The following ROR2 variants were observed in gnomAD, a reference collection of about 807,000 sequenced individuals.
ROR2 encodes ROR family WNT receptor 2, also known as tyrosine-protein kinase transmembrane receptor ROR2.
A neutral mutation model predicts 74.9 loss-of-function variants in ROR2; 33 were observed. The ratio of observed to expected loss-of-function variants is 0.44; its 90% CI spans 0.33 to 0.59. The LOEUF (loss-of-function observed/expected upper bound fraction) is 0.59, where lower values mean the gene tolerates loss of function less well. Ranked by LOEUF, ROR2 falls within the 20% of genes least tolerant of loss-of-function variation. The pLI is 0.02. For synonymous variants in ROR2, 586 were observed against 558.7 expected, an observed-to-expected ratio of 1.05 and a Z score of -0.69; for missense variants, 1,216 against 1,313.8, an observed-to-expected ratio of 0.93 and a Z score of 1.15.
At chr9:91,939,356 T>C (rs886113051) in intron 1 of ROR2, among the ~76,000 whole-genome samples, 3 of 152,264 alleles carry the variant, frequency 2.0e-5, no homozygotes, top group Admixed American at 6.5e-5. Context: ...ATGGTTTTCG[T>C]GCTCCTTATT....
At chr9:91,888,655 C>T (rs1169288324) in intron 1 of ROR2, among the ~76,000 whole-genome samples, 1 of 152,164 alleles carries the variant, frequency 6.6e-6, no homozygotes, top group East Asian at 1.9e-4. Context: ...AGAGGGTGAT[C>T]GAGGCCACAC....
chr9:91,897,761 G>C (rs1830571284), intron 1 of ROR2, among the ~76,000 whole-genome samples: 1 of 152,160 alleles, frequency 6.6e-6, no homozygotes, highest in Non-Finnish European at 1.5e-5. Flanking sequence ...AAACACTCAA[G>C]AGAAATAAGT....
intron 1 of ROR2, among the ~76,000 whole-genome samples, chr9:91,867,078 T>C (rs1167947739): frequency 6.6e-6 from 1 of 152,218 alleles, no homozygotes; most frequent in Non-Finnish European, 1.5e-5. Context: ...TGAATGGAGC[T>C]ATAAAACCTG....
chr9:91,725,617 A>G (rs985602287), intron 8 of ROR2, among the ~76,000 whole-genome samples: 1 of 152,234 alleles, frequency 6.6e-6, no homozygotes, highest in African/African-American at 2.4e-5. Context: ...AGTCCAAGCC[A>G]GTTGTTCTAC....
At chr9:91,910,217 G>A (rs935528334) in intron 1 of ROR2, among the ~76,000 whole-genome samples, 2 of 152,138 alleles carry the variant, frequency 1.3e-5, no homozygotes, top group Non-Finnish European at 2.9e-5. Context: ...TCAGTGCCCA[G>A]TGCTGGCACT....
chr9:91,732,276 G>C (rs572818446), intron 6 of ROR2, among the ~76,000 whole-genome samples: 2 of 152,304 alleles, frequency 1.3e-5, no homozygotes, highest in South Asian at 4.1e-4. Flanking sequence ...GACATAAGCA[G>C]CGCTCCCTGT....
At chr9:91,921,974 T>G (rs529922169) in intron 1 of ROR2, among the ~76,000 whole-genome samples, 1 of 146,014 alleles carries the variant, frequency 6.8e-6, no homozygotes, top group East Asian at 2.0e-4. Flanking sequence ...AATACACAAC[T>G]GGCCAAAAAG....
chr9:91,757,680 T>C (rs1402356178), intron 2 of ROR2, 121 bp from the exon 3 acceptor site: 35 of 1,046,992 alleles, frequency 3.3e-5, no homozygotes, highest in Non-Finnish European at 4.4e-5. Context: ...CCTACTAAAA[T>C]AGGTTGTTAT....
chr9:91,926,588 C>G (rs189663446), intron 1 of ROR2, among the ~76,000 whole-genome samples: 56 of 149,304 alleles, frequency 3.8e-4, no homozygotes, highest in African/African-American at 9.8e-4. Flanking sequence ...ATCCTTGCAA[C>G]AGGATTTGAA....
intron 1 of ROR2, among the ~76,000 whole-genome samples, chr9:91,844,115 A>C (rs914824031): frequency 6.6e-6 from 1 of 152,236 alleles, no homozygotes. Context: ...AGCTGCCCTG[A>C]GCCAGCAGCA....
chr9:91,782,041 C>T (rs1826637320), intron 1 of ROR2, among the ~76,000 whole-genome samples: 1 of 152,228 alleles, frequency 6.6e-6, no homozygotes, highest in African/African-American at 2.4e-5. Context: ...GAATTGAGGC[C>T]TTTCACAGAC....
Position 91,731,141 on chromosome 9 carries a change from T to G in ROR2, c.952A>C (p.Asn318His). 12 of 1,614,040 alleles carry G rather than the reference T, an allele frequency of 7.4e-6. No individual in the cohort carries two copies. The highest frequency in any genetic ancestry group is 9.3e-6 in the Non-Finnish European group (11 of 1,180,026). Residue 318 changes from asparagine (N) to histidine (H), a missense_variant, in exon 7 of 9, where the codon AAC (asparagine) becomes CAC (histidine). Physicochemically the swap from Asn to His is moderately conservative, Grantham distance 68 (BLOSUM62 1). Transcript: ENST00000375708. ...ERLGRYHQCY[N>H]GSGMDYRGTA... Reference sequence around the variant, plus strand: ...CCTCTGTAATCCATGCCTGAGCCGTTATAGCACTGATGGTCTGAACAAGGA... The same window carrying G: ...CCTCTGTAATCCATGCCTGAGCCGTGATAGCACTGATGGTCTGAACAAGGA...
chr9:91,830,376 G>GT (rs1422150611), intron 1 of ROR2, among the ~76,000 whole-genome samples: 1 of 152,216 alleles, frequency 6.6e-6, no homozygotes, highest in East Asian at 1.9e-4. Flanking sequence ...AGAGGCTGAA[G>GT]TGGGAGGATC....
intron 1 of ROR2, among the ~76,000 whole-genome samples, chr9:91,818,220 C>T (rs1013223028): frequency 2.0e-5 from 3 of 152,160 alleles, no homozygotes; most frequent in Non-Finnish European, 2.9e-5. Context: ...CCTCTAATTA[C>T]GCAAATCTGT....
chr9:91,778,665 C>A (rs1179476607), intron 1 of ROR2, among the ~76,000 whole-genome samples: 1 of 152,192 alleles, frequency 6.6e-6, no homozygotes, highest in Non-Finnish European at 1.5e-5. Context: ...ACTACTCTAG[C>A]CAAACCCACA....
rs542590978 is a variant in ROR2, at chr9:91,905,535, A to G, written c.97+44332T>C. Reference sequence around the variant, plus strand: ...GACATCACACACTACACACAACCCAACATACACAGACACAATACAACACAT... The same window carrying G: ...GACATCACACACTACACACAACCCAGCATACACAGACACAATACAACACAT... On this transcript the variant is annotated intron_variant, in intron 1 of 8. Transcript: ENST00000375708. This position sits in a 1 kb window ranked among gnomAD's most constrained non-coding sequence, Gnocchi z 5.3. 6.6e-5 allele frequency among the ~76,000 whole-genome samples: 10 copies of G among 151,436 alleles called. No individual in the cohort carries two copies. The highest frequency in any genetic ancestry group is 1.3e-4 in the Non-Finnish European group (9 of 67,950).
chr9:91,922,040 G>A (rs1233467721), intron 1 of ROR2, among the ~76,000 whole-genome samples: 1 of 151,142 alleles, frequency 6.6e-6, no homozygotes, highest in Non-Finnish European at 1.5e-5. Flanking sequence ...AAATCACAAT[G>A]AGAGACCACT....
chr9:91,737,947 A>G (rs1046196528), intron 4 of ROR2, among the ~76,000 whole-genome samples: 1 of 152,214 alleles, frequency 6.6e-6, no homozygotes, highest in Non-Finnish European at 1.5e-5. Context: ...ATGGACAGCA[A>G]AACTATAGAG....
chr9:91,845,745 G>A (rs1828907676), intron 1 of ROR2, among the ~76,000 whole-genome samples: 2 of 151,778 alleles, frequency 1.3e-5, no homozygotes, highest in Admixed American at 1.3e-4. Context: ...AGCCGGGCAT[G>A]GTGGCAGGTG....
Sources: gnomAD v4.1 joint callset for allele counts (sites outside exome capture counted in the v4.1 genomes callset) on GRCh38, gnomAD v4.1.1 for gene constraint, Gnocchi (gnomAD v3.1) non-coding constraint, MANE v1.5 for transcripts, NCBI Gene and HGNC (gene_info 2026-07-23, HGNC 2026-07-21) for gene names.